Variants in HS3ST2 observed in about 807,000 individuals in gnomAD.
The protein encoded by HS3ST2 is heparan sulfate-glucosamine 3-sulfotransferase 2.
Under a neutral mutation model 26.3 loss-of-function variants are expected in HS3ST2, and 17 were observed. The observed-to-expected ratio is 0.65, with a 90% CI of 0.44 to 0.97. HS3ST2 has a LOEUF of 0.97. HS3ST2 is among the 50% of genes least tolerant of loss of function. The pLI, the probability that HS3ST2 is intolerant of heterozygous loss-of-function variation, is 0.00. For synonymous variants in HS3ST2, 237 were observed against 219.2 expected (o/e 1.08, Z -0.72); for missense variants, 402 against 501.2 (o/e 0.80, Z 1.89).
At chr16:22,819,299 G>T (rs1310061050) in intron 1 of HS3ST2, among the ~76,000 whole-genome samples, 1 of 151,844 alleles carries the variant, frequency 6.6e-6, no homozygotes, top group East Asian at 1.9e-4. Flanking sequence ...TGCCTGAACT[G>T]CTTTGCAACC....
chr16:22,849,420 C>T (rs959926239), intron 1 of HS3ST2, among the ~76,000 whole-genome samples: 2 of 152,134 alleles, frequency 1.3e-5, no homozygotes, highest in Non-Finnish European at 2.9e-5. Flanking sequence ...GAAATACTAT[C>T]TTTTTTGCGG....
At chr16:22,881,316 A>G (rs1298793857) in intron 1 of HS3ST2, among the ~76,000 whole-genome samples, 2 of 152,054 alleles carry the variant, frequency 1.3e-5, no homozygotes, top group Admixed American at 1.3e-4. Context: ...TTGAGAGGAC[A>G]CTCTGCCTGC....
intron 1 of HS3ST2, among the ~76,000 whole-genome samples, chr16:22,885,064 C>T (rs949531059): frequency 1.3e-5 from 2 of 152,042 alleles, no homozygotes; most frequent in Non-Finnish European, 2.9e-5. Context: ...TGGTCTTGAA[C>T]TCCTGACCTC....
At chr16:22,859,142 G>A (rs1691392164) in intron 1 of HS3ST2, among the ~76,000 whole-genome samples, 1 of 152,110 alleles carries the variant, frequency 6.6e-6, no homozygotes, top group Admixed American at 6.5e-5. Context: ...CTCCAGCCTG[G>A]GTGACAGGGC....
rs529282687 is a variant in HS3ST2, at chr16:22,842,479, A to G, written c.485+27384A>G. Reference sequence around the variant, plus strand: ...GTCACCGTGTTGTACAATAGATCTCAAAGGTATTCCTCTTATCTAATTGAA... The same window carrying G: ...GTCACCGTGTTGTACAATAGATCTCGAAGGTATTCCTCTTATCTAATTGAA... On this transcript the variant is annotated intron_variant, in intron 1 of 1. Coordinates refer to ENST00000261374, the MANE Select transcript of HS3ST2 (RefSeq NM_006043.2). Among the ~76,000 whole-genome samples, 464 of 152,226 alleles carry G rather than the reference A, an allele frequency of 3.0e-3. 10 individuals carry two copies. The highest frequency in any genetic ancestry group is 1.2e-3 in the Non-Finnish European group (85 of 68,020).
At chr16:22,858,053 A>G (rs1901623487) in intron 1 of HS3ST2, among the ~76,000 whole-genome samples, 1 of 151,652 alleles carries the variant, frequency 6.6e-6, no homozygotes, top group Non-Finnish European at 1.5e-5. Flanking sequence ...CAAAGGTAAA[A>G]GAATAACACA....
intron 1 of HS3ST2, among the ~76,000 whole-genome samples, chr16:22,906,845 G>T (rs759252041): frequency 4.6e-5 from 7 of 152,208 alleles, no homozygotes; most frequent in Admixed American, 3.3e-4. Context: ...TCTGACACTG[G>T]ATCTTTGATC....
chr16:22,817,540 G>T (rs753500793), intron 1 of HS3ST2, among the ~76,000 whole-genome samples: 45 of 152,152 alleles, frequency 3.0e-4, no homozygotes, highest in Admixed American at 8.5e-4. Flanking sequence ...CACATTAACT[G>T]CAGAAATCAT....
At chr16:22,893,271 T>C (rs893407634) in intron 1 of HS3ST2, among the ~76,000 whole-genome samples, 1 of 152,348 alleles carries the variant, frequency 6.6e-6, no homozygotes, top group Non-Finnish European at 1.5e-5. Context: ...AGCTCCTTGA[T>C]GATATTCTGT....
intron 1 of HS3ST2, among the ~76,000 whole-genome samples, chr16:22,886,735 A>G (rs970735184): frequency 4.0e-5 from 6 of 151,612 alleles, no homozygotes; most frequent in African/African-American, 1.5e-4. Flanking sequence ...TCACATTTTT[A>G]GTGTTACTGT....
intron 1 of HS3ST2, among the ~76,000 whole-genome samples, chr16:22,890,397 A>G (rs1567497897): frequency 6.6e-6 from 1 of 152,214 alleles, no homozygotes; most frequent in African/African-American, 2.4e-5. Context: ...CTAATAAACC[A>G]GTTATTTATA....
intron 1 of HS3ST2, among the ~76,000 whole-genome samples, chr16:22,867,794 G>T (rs936083543): frequency 3.9e-5 from 6 of 152,010 alleles, no homozygotes; most frequent in Admixed American, 2.6e-4. Flanking sequence ...TCACATCCAG[G>T]GTATGTTTTT....
chr16:22,879,827 A>G (rs569316974), intron 1 of HS3ST2, among the ~76,000 whole-genome samples: 1 of 152,254 alleles, frequency 6.6e-6, no homozygotes, highest in African/African-American at 2.4e-5. Context: ...CCCCCAGAGA[A>G]GATAAGGCAG....
rs779256706 is a variant in HS3ST2, at chr16:22,916,296, T to C, written c.*734T>C. 20 of 152,712 alleles carry C rather than the reference T, an allele frequency of 1.3e-4. No homozygotes were observed. Among genetic ancestry groups the C allele is most frequent in the Admixed American group, 1.2e-3 (19 of 15,284 alleles). The allele number at this position is 152,712 out of a possible 1,614,324, so 9.5% of individuals were successfully genotyped here. On this transcript the variant is annotated 3_prime_UTR_variant, in exon 2 of 2. Transcript: ENST00000261374. ...TCATGTTCAGCATGCAATGGAATCATGCTTGTCCATGTGAAATAAATATGG... is the reference window on the plus strand; with the variant it reads ...TCATGTTCAGCATGCAATGGAATCACGCTTGTCCATGTGAAATAAATATGG...
At chr16:22,900,415 C>A (rs1902267146) in intron 1 of HS3ST2, among the ~76,000 whole-genome samples, 1 of 152,116 alleles carries the variant, frequency 6.6e-6, no homozygotes, top group Non-Finnish European at 1.5e-5. Flanking sequence ...GAAAGTAGAG[C>A]CTAGCTAGAG....
At chr16:22,886,950 C>T (rs1335159771) in intron 1 of HS3ST2, among the ~76,000 whole-genome samples, 2 of 152,106 alleles carry the variant, frequency 1.3e-5, no homozygotes, top group African/African-American at 4.8e-5. Context: ...TGAGGTTTTG[C>T]TATGTTGCCC....
chr16:22,832,483 G>T (rs1233232493), intron 1 of HS3ST2, among the ~76,000 whole-genome samples: 2 of 151,852 alleles, frequency 1.3e-5, no homozygotes, highest in Non-Finnish European at 2.9e-5. Flanking sequence ...TTACAATGTG[G>T]ATGTGGGCGG....
intron 1 of HS3ST2, among the ~76,000 whole-genome samples, chr16:22,842,191 A>G (rs1363003729): frequency 6.7e-6 from 1 of 150,208 alleles, no homozygotes; most frequent in Admixed American, 6.7e-5. Context: ...CCTTCCGAGT[A>G]GCTGGGACTA....
intron 1 of HS3ST2, among the ~76,000 whole-genome samples, chr16:22,875,335 A>G (rs1271254126): frequency 2.6e-5 from 4 of 152,050 alleles, no homozygotes; most frequent in Non-Finnish European, 5.9e-5. Flanking sequence ...TCACTCACAC[A>G]CTTGTTATTG....
Sources: gnomAD v4.1 joint callset for allele counts (sites outside exome capture counted in the v4.1 genomes callset) on GRCh38, gnomAD v4.1.1 for gene constraint, MANE v1.5 for transcripts, NCBI Gene and HGNC (gene_info 2026-07-23, HGNC 2026-07-21) for gene names.